MYSM1: variants seen among roughly 807,000 people sequenced by gnomAD.
MYSM1 encodes the protein deubiquitinase MYSM1.
Under a neutral mutation model 116.0 loss-of-function variants are expected in MYSM1, and 51 were observed. The ratio of observed to expected loss-of-function variants is 0.44; its 90% confidence interval spans 0.35 to 0.56. The LOEUF (loss-of-function observed/expected upper bound fraction) is 0.56. Ranked by LOEUF, MYSM1 falls within the 20% of genes least tolerant of loss-of-function variation. The pLI is 0.00. For synonymous variants in MYSM1, 313 were observed against 315.2 expected (o/e 0.99, Z 0.07); for missense variants, 900 against 974.9 (o/e 0.92, Z 1.02).
intron 1 of MYSM1, among the ~76,000 whole-genome samples, chr1:58,695,873 T>C (rs1012828768): frequency 6.6e-6 from 1 of 152,220 alleles, no homozygotes; most frequent in Non-Finnish European, 1.5e-5. Flanking sequence ...AAAGTTACAT[T>C]GTTTACCCCA....
Position 58,668,653 on chromosome 1 carries a change from T to C in MYSM1, c.1746A>G (p.Glu582=). Residue 582 remains glutamate (E), a synonymous_variant, in exon 14 of 20, where the codon GAA becomes GAG. Coordinates refer to ENST00000472487, the MANE Select transcript of MYSM1 (RefSeq NM_001085487.3). ...TTACCAAATCCATTATTAAAAGTGC[T>C]TCTGAAGCCACTTTCACCTGAAATG... ...QEPFQVKVAS[E]ALLIMDLHAH... 2 of 1,606,178 alleles carry C rather than the reference T, an allele frequency of 1.2e-6. No individual in the cohort carries two copies. Among genetic ancestry groups the C allele is most frequent in the Non-Finnish European group, 1.7e-6 (2 of 1,176,116 alleles).
At chr1:58,668,741 C>A in intron 13 of MYSM1, 59 bp from the exon 14 acceptor site, 1 of 1,478,708 alleles carries the variant, frequency 6.8e-7, no homozygotes, top group East Asian at 2.4e-5. Context: ...TTTTGTTTTC[C>A]CCACCTGGAA....
intron 6 of MYSM1, among the ~76,000 whole-genome samples, chr1:58,686,571 A>C (rs1438838612): frequency 3.9e-5 from 6 of 152,376 alleles, no homozygotes; most frequent in Admixed American, 2.6e-4. Flanking sequence ...ACTCATTAGA[A>C]AATATGACAT....
rs1644340492 is a variant in MYSM1 at position 58,657,975 on chromosome 1, A to G, written c.*2022T>C. The G allele has an allele frequency of 6.6e-6, 1 of 152,218 alleles. No individual in the cohort carries two copies. Among genetic ancestry groups the G allele is most frequent in the African/African-American group, 2.4e-5 (1 of 41,462 alleles). The allele number at this position is 152,218 out of a possible 1,614,324, so 9.4% of individuals were successfully genotyped here. ...GGAAATGTCAATCAAGAAAGCTAGT[A>G]TAAAACACTTTTTAGTATTTGTTCC... On this transcript the variant is annotated 3_prime_UTR_variant, in exon 20 of 20. Transcript: ENST00000472487.
chr1:58,668,873 T>C lies in MYSM1; in HGVS notation c.1716+111A>G, dbSNP rs188031406. On this transcript the variant is annotated intron_variant, in intron 13 of 19. Transcript: ENST00000472487. ...CCAGCAGGGAGAAATTCTCTCTCAT[T>C]TTCAGTCTTTTTATACATATGCCTT... The C allele has an allele frequency of 7.5e-5, 74 of 990,228 alleles. No homozygotes were observed. The African/African-American group carries it at 1.0e-3, about 14-fold the overall frequency. The allele number at this position is 990,228 out of a possible 1,614,324, so 61.3% of individuals were successfully genotyped here.
chr1:58,663,564 C>A (rs1393750160), intron 17 of MYSM1, among the ~76,000 whole-genome samples: 1 of 152,220 alleles, frequency 6.6e-6, no homozygotes, highest in Non-Finnish European at 1.5e-5. Flanking sequence ...ATCTAATACG[C>A]AGTGTTAAGC....
chr1:58,682,334 G>A lies in MYSM1; in HGVS notation c.710C>T (p.Pro237Leu), dbSNP rs1192642948. The change falls in exon 8 of 20, where the codon CCC (proline) becomes CTC (leucine). Residue 237 changes from proline to leucine, a missense_variant. By Grantham distance (98) the Pro-to-Leu change is moderately conservative. This residue lies in a region of MYSM1 where 622 missense variants were observed against 623.7 expected (regional missense o/e 1.00). Transcript: ENST00000472487. Reference protein sequence around the residue: ...DEVDELSSQTPQKNSSSDLLL... With the variant: ...DEVDELSSQTLQKNSSSDLLL... ...GAGATCACTGCTAGAATTCTTCTGG[G>A]GTGTTTGAGAAGACAACTCGTCCAC... The A allele has an allele frequency of 5.0e-6, 8 of 1,613,790 alleles. No individual in the cohort carries two copies. The highest frequency in any genetic ancestry group is 2.7e-5 in the African/African-American group (2 of 74,884).
At chr1:58,684,061 G>T (rs6587837) in intron 7 of MYSM1, among the ~76,000 whole-genome samples, 30,371 of 151,896 alleles carry the variant, frequency 0.2, 3,171 homozygotes, top group South Asian at 0.28. Flanking sequence ...GAGCTGCCTT[G>T]AAAATGCTTC....
In MYSM1 at chr1:58,693,788, A is replaced by G. The variant is rs139462518; in HGVS notation, c.148-857T>C. Among the ~76,000 whole-genome samples, 5 of 152,356 alleles carry G rather than the reference A, an allele frequency of 3.3e-5. No homozygotes were observed. In the East Asian group the frequency reaches 9.6e-4, roughly 29 times the overall value. On this transcript the variant is annotated intron_variant, in intron 2 of 19. Transcript: ENST00000472487. ...TCCAATCTTTACCACAGTACCCAAA[A>G]TTAATTTTATAAAAATAAATTTGCT...
intron 5 of MYSM1, 65 bp downstream of exon 5, chr1:58,690,161 A>G: frequency 7.5e-7 from 1 of 1,341,570 alleles, no homozygotes; most frequent in African/African-American, 1.5e-5. Flanking sequence ...ATAATTAAAA[A>G]AAAATTATTC....
Position 58,660,049 on chromosome 1 carries a change from T to C in MYSM1, c.2435A>G (p.Asn812Ser). 2 of 1,609,656 alleles carry C rather than the reference T, an allele frequency of 1.2e-6. No individual in the cohort carries two copies. The highest frequency in any genetic ancestry group is 1.7e-6 in the Non-Finnish European group (2 of 1,177,446). The change falls in exon 20 of 20, where the codon AAC (asparagine) becomes AGC (serine). Residue 812 changes from asparagine to serine, a missense_variant. By Grantham distance (46) the Asn-to-Ser change is conservative (BLOSUM62 1). This residue lies in a region of MYSM1 where 186 missense variants were observed against 196.2 expected (regional missense o/e 0.95). Coordinates refer to ENST00000472487, the MANE Select transcript of MYSM1 (RefSeq NM_001085487.3). The stretch of plus-strand genomic sequence containing the variant: ...CTCTTCGGTTACTCCATTCTCTTGG[T>C]TGCTTTTATAATTGGAAAGGAACAA... ...ENLFLSNYKS[N>S]QENGVTEENC...
At chr1:58,670,294 T>G (rs1192687552) in intron 12 of MYSM1, among the ~76,000 whole-genome samples, 1 of 152,172 alleles carries the variant, frequency 6.6e-6, no homozygotes, top group African/African-American at 2.4e-5. Flanking sequence ...CCTGGAGTAC[T>G]TAAGAACCAC....
At chr1:58,692,638 G>A in intron 3 of MYSM1, 1 of 389,392 alleles carries the variant, frequency 2.6e-6, no homozygotes, top group Non-Finnish European at 4.6e-6. Flanking sequence ...GTTGGCTAGT[G>A]ACAGAAACTC....
At chr1:58,668,564 C>T (rs1209702086) in intron 14 of MYSM1, 68 bp downstream of exon 14, 26 of 1,525,590 alleles carry the variant, frequency 1.7e-5, no homozygotes, top group Admixed American at 2.4e-5. Flanking sequence ...CTCTGTCTTA[C>T]GCCTGCAATA....
chr1:58,698,930 C>G (rs1446195475), intron 1 of MYSM1, among the ~76,000 whole-genome samples: 1 of 152,152 alleles, frequency 6.6e-6, no homozygotes, highest in Non-Finnish European at 1.5e-5. Context: ...AGTACTTCTC[C>G]CCTGTTCACA....
Position 58,660,301 on chromosome 1 carries a change from T to C in MYSM1, c.2329-146A>G, listed in dbSNP as rs1330424364. Reference sequence around the variant, plus strand: ...CCTTAAAAATGGTTGAAGATTAACTTGTGTTTAATAGTCACAGAGCTGGAA... The same window carrying C: ...CCTTAAAAATGGTTGAAGATTAACTCGTGTTTAATAGTCACAGAGCTGGAA... On this transcript the variant is annotated intron_variant, in intron 19 of 19. Transcript: ENST00000472487. 4 of 489,422 alleles carry C rather than the reference T, an allele frequency of 8.2e-6. No individual in the cohort carries two copies. In the East Asian group the frequency reaches 1.3e-4, roughly 16 times the overall value. 30.3% of individuals were successfully genotyped at this position (489,422 alleles called of 1,614,324 possible).
chr1:58,676,976 C>T lies in MYSM1; in HGVS notation c.1340G>A (p.Gly447Glu). 1 of 1,612,410 alleles carries T rather than the reference C, an allele frequency of 6.2e-7. No individual in the cohort carries two copies. The highest frequency in any genetic ancestry group is 1.3e-5 in the African/African-American group (1 of 74,866). ...CAATTCGAGGTATGTATGAATCCGT[C>T]CAATACAATTAACATCTCCACAGTT... ...LKNCGDVNCI[G>E]RIHTYLELIG... The change falls in exon 9 of 20, where the codon GGA becomes GAA. Residue 447 changes from glycine to glutamate, a missense_variant. By Grantham distance (98) the Gly-to-Glu change is moderately conservative. This residue lies in a region of MYSM1 where 622 missense variants were observed against 623.7 expected (regional missense o/e 1.00). Transcript: ENST00000472487.
intron 12 of MYSM1, among the ~76,000 whole-genome samples, chr1:58,669,449 G>C (rs1402592245): frequency 6.6e-6 from 1 of 152,126 alleles, no homozygotes; most frequent in Non-Finnish European, 1.5e-5. Flanking sequence ...CTATAGAATA[G>C]GAACTTAAAA....
chr1:58,677,305 A>G lies in MYSM1; in HGVS notation c.1260-249T>C, dbSNP rs1170437209. 2.0e-5 allele frequency among the ~76,000 whole-genome samples: 3 copies of G among 152,274 alleles called. No homozygotes were observed. In the East Asian group the frequency reaches 5.8e-4, roughly 29 times the overall value. Reference sequence around the variant, plus strand: ...ATATTTCTTCCCCAATGTTAAATTCATAGATTCCAGTTATCCCAGGACCTT... The same window carrying G: ...ATATTTCTTCCCCAATGTTAAATTCGTAGATTCCAGTTATCCCAGGACCTT... On this transcript the variant is annotated intron_variant, in intron 8 of 19. Transcript: ENST00000472487.
Sources: gnomAD v4.1 joint callset for allele counts (sites outside exome capture counted in the v4.1 genomes callset) on GRCh38, gnomAD v4.1.1 for gene constraint, gnomAD v4.1.1 regional missense constraint, MANE v1.5 for transcripts, NCBI Gene and HGNC (gene_info 2026-07-23, HGNC 2026-07-21) for gene names.